Variants in MAP3K7CL observed in about 807,000 individuals in gnomAD.
The protein encoded by MAP3K7CL is MAP3K7 C-terminal like, also known as MAP3K7 C-terminal-like protein.
Under a neutral mutation model 18.6 loss-of-function variants are expected in MAP3K7CL, and 16 were observed. The ratio of observed to expected loss-of-function variants is 0.86; its 90% CI spans 0.58 to 1.31. The LOEUF is 1.31. MAP3K7CL is among the 50% of genes most tolerant of loss of function. The pLI is 0.00. For synonymous variants in MAP3K7CL, 65 were observed against 66.8 expected (o/e 0.97, Z 0.13); for missense variants, 163 against 174.4 (o/e 0.93, Z 0.37).
At chr21:29,085,802 A>G (rs180780055), upstream of MAP3K7CL, 330 of 1,553,000 alleles carry the variant, frequency 2.1e-4, no homozygotes, top group Non-Finnish European at 2.7e-4. Flanking sequence ...ATAACTCTCT[A>G]TATCCCCCAG....
chr21:29,149,270 C>A lies in MAP3K7CL; in HGVS notation c.132+20C>A. The stretch of plus-strand genomic sequence containing the variant: ...CTACAGGTAAGGATTTTTCTAAAGT[C>A]TCTCTTCTTTCCTCCTTAGTGTCAT... On this transcript the variant is annotated intron_variant, in intron 3 of 4. Coordinates refer to ENST00000399928, the MANE Select transcript of MAP3K7CL (RefSeq NM_001286620.2). The A allele has an allele frequency of 6.2e-7, 1 of 1,608,766 alleles. No individual in the cohort carries two copies. The highest frequency in any genetic ancestry group is 1.1e-5 in the South Asian group (1 of 90,946).
chr21:29,095,510 CTGAT>C (rs997323115), intron 4 of MAP3K7CL, among the ~76,000 whole-genome samples: 4 of 152,304 alleles, frequency 2.6e-5, no homozygotes, highest in African/African-American at 9.6e-5. Context: ...GAATAAAGAC[CTGAT>C]TGTTACTCTC....
chr21:29,147,504 G>A (rs1485814531), intron 2 of MAP3K7CL, among the ~76,000 whole-genome samples: 2 of 151,732 alleles, frequency 1.3e-5, no homozygotes, highest in Non-Finnish European at 1.5e-5. Flanking sequence ...CATGTGTACT[G>A]TATATGCATC....
chr21:29,108,629 G>T (rs557997262), intron 4 of MAP3K7CL, among the ~76,000 whole-genome samples: 2 of 152,252 alleles, frequency 1.3e-5, no homozygotes, highest in African/African-American at 4.8e-5. Flanking sequence ...CAGCATCTGG[G>T]TATGTTTGGA....
At chr21:29,131,402 G>A (rs2086777909) in intron 1 of MAP3K7CL, 2 of 152,194 alleles carry the variant, frequency 1.3e-5, no homozygotes, top group African/African-American at 2.4e-5. Context: ...TAGCTAAAAT[G>A]TTAAGGGAAT....
intron 1 of MAP3K7CL, chr21:29,077,850 C>T (rs1341450755): frequency 1.3e-5 from 2 of 152,214 alleles, no homozygotes; most frequent in African/African-American, 4.8e-5. Context: ...GATTCAAAAG[C>T]CTGGGATCCT....
chr21:29,087,893 G>A (rs141474438), intron 1 of MAP3K7CL, among the ~76,000 whole-genome samples: 35 of 151,866 alleles, frequency 2.3e-4, no homozygotes, highest in Non-Finnish European at 3.7e-4. Context: ...GCGCCCGGTC[G>A]TGCTCATTTT....
chr21:29,103,178 G>A (rs1213611535), intron 4 of MAP3K7CL, among the ~76,000 whole-genome samples: 1 of 152,230 alleles, frequency 6.6e-6, no homozygotes, highest in East Asian at 1.9e-4. Flanking sequence ...AGCCATGTCT[G>A]TTGGTTTATA....
chr21:29,087,163 C>G (rs1366005763), intron 1 of MAP3K7CL, among the ~76,000 whole-genome samples: 1 of 152,150 alleles, frequency 6.6e-6, no homozygotes, highest in East Asian at 1.9e-4. Context: ...CTCTCTTCTC[C>G]CAGACCTTAG....
At chr21:29,152,432 C>T (rs887536717) in intron 3 of MAP3K7CL, among the ~76,000 whole-genome samples, 2 of 152,188 alleles carry the variant, frequency 1.3e-5, no homozygotes, top group Admixed American at 6.5e-5. Flanking sequence ...GCTTTCATTA[C>T]ACAGTAATGG....
upstream of MAP3K7CL, among the ~76,000 whole-genome samples, chr21:29,130,160 A>G (rs1222407402): frequency 6.6e-6 from 1 of 152,230 alleles, no homozygotes; most frequent in Non-Finnish European, 1.5e-5. Context: ...TCACAATCCA[A>G]TTATTTTTTA....
At chr21:29,135,935 G>A (rs1415348596) in intron 2 of MAP3K7CL, among the ~76,000 whole-genome samples, 1 of 152,064 alleles carries the variant, frequency 6.6e-6, no homozygotes, top group Non-Finnish European at 1.5e-5. Context: ...TCTAGAAAGG[G>A]CACCTACCTG....
intron 4 of MAP3K7CL, among the ~76,000 whole-genome samples, chr21:29,172,339 G>T (rs2123251540): frequency 6.9e-6 from 1 of 144,280 alleles, no homozygotes; most frequent in Non-Finnish European, 1.5e-5. Context: ...CCCTGAATTT[G>T]ATTTGGTCTG....
At chr21:29,086,410 G>A (rs775003193) in intron 1 of MAP3K7CL, among the ~76,000 whole-genome samples, 2 of 152,168 alleles carry the variant, frequency 1.3e-5, no homozygotes, top group Non-Finnish European at 2.9e-5. Context: ...TCTGGAAAAT[G>A]AGTGGAAGGA....
intron 4 of MAP3K7CL, among the ~76,000 whole-genome samples, chr21:29,123,780 G>A (rs2086637556): frequency 6.6e-6 from 1 of 152,166 alleles, no homozygotes; most frequent in African/African-American, 2.4e-5. Flanking sequence ...ATTTGGTTCT[G>A]TTAATGAAGA....
rs748784637 is a variant in MAP3K7CL, at chr21:29,174,857, C to T, written c.394C>T (p.Arg132Ter). The T allele has an allele frequency of 2.1e-5, 34 of 1,613,892 alleles. No individual in the cohort carries two copies. The highest frequency in any genetic ancestry group is 1.6e-4 in the Middle Eastern group (1 of 6,084). Residue 132 changes from arginine to a stop codon, truncating the protein, a stop_gained, in exon 5 of 5, where the codon CGA (arginine) becomes TGA (stop). Transcript: ENST00000399928. LOFTEE classifies it high-confidence loss of function. ...ATGTGTGGAACAACTGGAGAAACTT[C>T]GAATACAGTATCAGAAGAGGCAGGG... ...SQCVEQLEKL[R>*]IQYQKRQGSS
chr21:29,127,004 A>G (rs1019307913), upstream of MAP3K7CL, among the ~76,000 whole-genome samples: 3 of 152,202 alleles, frequency 2.0e-5, no homozygotes, highest in Non-Finnish European at 4.4e-5. Flanking sequence ...ATGAGGGTCT[A>G]CCCAGACTAC....
At chr21:29,099,360 C>G (rs555366409) in intron 4 of MAP3K7CL, among the ~76,000 whole-genome samples, 46 of 142,712 alleles carry the variant, frequency 3.2e-4, no homozygotes, top group African/African-American at 1.2e-3. Context: ...CTGCCTTGGT[C>G]TCCCAAAGTG....
upstream of MAP3K7CL, among the ~76,000 whole-genome samples, chr21:29,127,111 CA>C: frequency 6.6e-6 from 1 of 152,152 alleles, no homozygotes; most frequent in Admixed American, 6.5e-5. Context: ...TACCAAGCTA[CA>C]TACGTATTGA....
Sources: allele counts gnomAD v4.1 joint callset (sites outside exome capture counted in the v4.1 genomes callset), GRCh38; gene constraint gnomAD v4.1.1; transcripts MANE v1.5; gene names NCBI Gene and HGNC (gene_info 2026-07-23, HGNC 2026-07-21).